The following CSE1L variants were observed in gnomAD, a reference collection of about 807,000 sequenced individuals.
CSE1L encodes the protein exportin-2.
CSE1L carries 24 observed loss-of-function variants against 120.4 expected under a neutral mutation model. The observed-to-expected ratio is 0.20, with a 90% CI of 0.14 to 0.28. The LOEUF (loss-of-function observed/expected upper bound fraction) is 0.28, where lower values mean the gene tolerates loss of function less well. Among genes scored for constraint, CSE1L ranks in the 10% least tolerant of loss-of-function variants. CSE1L has a pLI of 1.00. For missense variants in CSE1L, 830 were observed against 1,145.2 expected, an observed-to-expected ratio of 0.72 and a Z score of 3.97; for synonymous variants, 402 against 398.3, an observed-to-expected ratio of 1.01 and a Z score of -0.11.
rs960969583 is a variant in CSE1L, at chr20:49,088,180, G to A, written c.1821+74G>A. ...ACTGTTTGGGCCTCAGAACTCTTTG[G>A]CATTACGTGAAGCTTTAGAGAAGGT... is the stretch of plus-strand genomic sequence containing the variant. On this transcript the variant is annotated intron_variant, in intron 17 of 24. Coordinates refer to ENST00000262982, the MANE Select transcript of CSE1L (RefSeq NM_001316.4). The A allele has an allele frequency of 5.1e-6, 5 of 990,030 alleles. No individual in the cohort carries two copies. In the African/African-American group the frequency reaches 8.2e-5, roughly 16 times the overall value. 61.3% of individuals were successfully genotyped at this position (990,030 alleles called of 1,614,324 possible). A position where few individuals can be genotyped will look rare whatever the true frequency, so the allele number is the denominator to read the frequency against.
intron 21 of CSE1L, 122 bp from the exon 22 acceptor site, chr20:49,091,924 A>G (rs920907223): frequency 9.4e-6 from 6 of 636,800 alleles, no homozygotes; most frequent in South Asian, 9.2e-5. Context: ...ACTAGAAGGC[A>G]GGTATTGATG....
At chr20:49,055,561 A>G (rs1372617346) in intron 1 of CSE1L, among the ~76,000 whole-genome samples, 1 of 152,122 alleles carries the variant, frequency 6.6e-6, no homozygotes, top group African/African-American at 2.4e-5. Context: ...TACAAAAAAT[A>G]CAAAAATTAG....
Position 49,096,629 on chromosome 20 carries a change from G to T in CSE1L, c.*191G>T, listed in dbSNP as rs2092143358. 2 of 599,078 alleles carry T rather than the reference G, an allele frequency of 3.3e-6. No individual in the cohort carries two copies. Among genetic ancestry groups the T allele is most frequent in the Non-Finnish European group, 5.9e-6 (2 of 337,870 alleles). 37.1% of individuals were successfully genotyped at this position (599,078 alleles called of 1,614,324 possible). On this transcript the variant is annotated 3_prime_UTR_variant, in exon 25 of 25. Coordinates refer to ENST00000262982, the MANE Select transcript of CSE1L (RefSeq NM_001316.4). Reference sequence around the variant, plus strand: ...TTGGTTTGTGTGATCATACAGTTATGTGGGTGGCTTCTAGTTTGCAACTTC... The same window carrying T: ...TTGGTTTGTGTGATCATACAGTTATTTGGGTGGCTTCTAGTTTGCAACTTC...
At chr20:49,051,385 A>AAG (rs35018308) in intron 1 of CSE1L, among the ~76,000 whole-genome samples, 54,828 of 152,022 alleles carry the variant, frequency 0.36, 10,689 homozygotes, top group African/African-American at 0.53. Flanking sequence ...TCTTTACTGT[A>AAG]TATAAAACTC....
intron 8 of CSE1L, among the ~76,000 whole-genome samples, chr20:49,071,782 G>A (rs2091933441): frequency 6.6e-6 from 1 of 151,916 alleles, no homozygotes; most frequent in Admixed American, 6.6e-5. Context: ...CTAACACGGT[G>A]AAACCCCGTC....
At chr20:49,066,609 C>T in intron 5 of CSE1L, 99 bp downstream of exon 5, 2 of 1,088,358 alleles carry the variant, frequency 1.8e-6, no homozygotes, top group Admixed American at 2.7e-5. Flanking sequence ...TCCTTTGAAT[C>T]TGATCATCTT....
Position 49,070,188 on chromosome 20 carries a change from CAG to C in CSE1L, c.676-16_676-15del. ...AATATTTTAATCAAAAGTTTCAAGT[CAG>C]TGTTTATTCTGTAGGATCTCCCTGA... is the stretch of plus-strand genomic sequence containing the variant. On this transcript the variant is annotated splice_polypyrimidine_tract_variant and intron_variant, in intron 7 of 24. Coordinates refer to ENST00000262982, the MANE Select transcript of CSE1L (RefSeq NM_001316.4). 5 of 1,167,650 alleles carry C rather than the reference CAG, an allele frequency of 4.3e-6. No homozygotes were observed. The highest frequency in any genetic ancestry group is 3.7e-6 in the Non-Finnish European group (3 of 814,136). The allele number at this position is 1,167,650 out of a possible 1,614,324, so 72.3% of individuals were successfully genotyped here.
chr20:49,074,960 C>T (rs2091959225), intron 11 of CSE1L, 110 bp downstream of exon 11: 3 of 754,260 alleles, frequency 4.0e-6, no homozygotes, highest in South Asian at 2.0e-5. Context: ...GTTTTTTCAG[C>T]GGGCTTTCAT....
chr20:49,087,939 C>T (rs2092072691), intron 16 of CSE1L, 70 bp from the exon 17 acceptor site: 5 of 1,019,626 alleles, frequency 4.9e-6, no homozygotes, highest in Admixed American at 4.9e-5. Flanking sequence ...CGCTTTTTTC[C>T]CCCCAGTCGC....
In CSE1L at chr20:49,052,042, A is replaced by T. The variant is rs191289362; in HGVS notation, c.-12+5619A>T. 3.7e-3 allele frequency among the ~76,000 whole-genome samples: 571 copies of T among 152,344 alleles called. 4 individuals are homozygous for T. The highest frequency in any genetic ancestry group is 0.017 in the Middle Eastern group (5 of 294). On this transcript the variant is annotated intron_variant, in intron 1 of 24. Transcript: ENST00000262982. ...TTTCTTGAAGTACTTTTGAATAAAC[A>T]AATTTAATTGTGGCAGTTAAGTTGG...
At chr20:49,060,886 G>C (rs1461490784) in intron 2 of CSE1L, among the ~76,000 whole-genome samples, 3 of 152,098 alleles carry the variant, frequency 2.0e-5, no homozygotes, top group Non-Finnish European at 4.4e-5. Context: ...AAATGCTCTT[G>C]ACCTGTTTCT....
chr20:49,049,328 C>T (rs560899200), intron 1 of CSE1L, among the ~76,000 whole-genome samples: 26 of 151,964 alleles, frequency 1.7e-4, no homozygotes, highest in African/African-American at 6.3e-4. Flanking sequence ...GGACTACAGG[C>T]GTGCACCACC....
At chr20:49,047,580 T>C (rs1236977845) in intron 1 of CSE1L, among the ~76,000 whole-genome samples, 3 of 113,718 alleles carry the variant, frequency 2.6e-5, no homozygotes, top group Non-Finnish European at 5.5e-5. Context: ...TTTTTTTTTT[T>C]TTTTTTTTTT....
intron 8 of CSE1L, 89 bp downstream of exon 8, chr20:49,070,386 G>T: frequency 1.5e-6 from 1 of 655,054 alleles, no homozygotes. Context: ...CTCTTGCATT[G>T]TTAAAAGATA....
chr20:49,069,622 C>T (rs2091917635), intron 7 of CSE1L, among the ~76,000 whole-genome samples: 2 of 152,184 alleles, frequency 1.3e-5, no homozygotes, highest in Non-Finnish European at 2.9e-5. Flanking sequence ...CATCAGTGTT[C>T]AGCTGGATAG....
chr20:49,056,206 AG>A (rs1478552540), intron 1 of CSE1L, among the ~76,000 whole-genome samples: 1 of 151,918 alleles, frequency 6.6e-6, no homozygotes, highest in African/African-American at 2.4e-5. Flanking sequence ...TCCAGGTTCA[AG>A]CGATTCTCCT....
chr20:49,053,607 T>G (rs912276093), intron 1 of CSE1L, among the ~76,000 whole-genome samples: 2 of 152,030 alleles, frequency 1.3e-5, no homozygotes, highest in Non-Finnish European at 2.9e-5. Context: ...CCTCTCAGCC[T>G]CCCAGAGTGC....
At chr20:49,085,199 G>A (rs2092045618) in intron 15 of CSE1L, 84 bp from the exon 16 acceptor site, 1 of 941,788 alleles carries the variant, frequency 1.1e-6, no homozygotes, top group Admixed American at 1.9e-5. Context: ...ATGCTGAGAA[G>A]GGTGACATAG....
chr20:49,064,583 A>G (rs1014994986), intron 3 of CSE1L, among the ~76,000 whole-genome samples: 4 of 152,062 alleles, frequency 2.6e-5, no homozygotes, highest in Non-Finnish European at 5.9e-5. Flanking sequence ...ATGGTGGTGC[A>G]CGGCCTGTAG....
Sources: gnomAD v4.1 joint callset for allele counts (sites outside exome capture counted in the v4.1 genomes callset) on GRCh38, gnomAD v4.1.1 for gene constraint, MANE v1.5 for transcripts, NCBI Gene and HGNC (gene_info 2026-07-23, HGNC 2026-07-21) for gene names.